The following RHOBTB3 variants were observed in gnomAD, a reference collection of about 807,000 sequenced individuals.
RHOBTB3 encodes the protein rho-related BTB domain-containing protein 3.
RHOBTB3 carries 47 observed loss-of-function variants against 67.2 expected under a neutral mutation model. The observed-to-expected ratio is 0.70, with a 90% CI of 0.55 to 0.89. The LOEUF (loss-of-function observed/expected upper bound fraction) is 0.89. Among genes scored for constraint, RHOBTB3 ranks in the 40% least tolerant of loss-of-function variants. RHOBTB3 has a pLI of 0.00. For synonymous variants in RHOBTB3, 273 were observed against 274.2 expected, an observed-to-expected ratio of 1.00 and a Z score of 0.04; for missense variants, 631 against 750.0, an observed-to-expected ratio of 0.84 and a Z score of 1.85.
Position 95,748,507 on chromosome 5 carries a change from A to G in RHOBTB3, c.570+20A>G, listed in dbSNP as rs1744997011. 1.8e-5 allele frequency: 28 copies of G among 1,581,194 alleles called. No homozygotes were observed. Among genetic ancestry groups the G allele is most frequent in the Non-Finnish European group, 2.3e-5 (27 of 1,159,308 alleles). The stretch of plus-strand genomic sequence containing the variant: ...GGAGTGGTAAGTGGAAATTCCTGTT[A>G]AGTATAAAGTTATTTGTCAGGTTGC... On this transcript the variant is annotated intron_variant, in intron 4 of 11. Coordinates refer to ENST00000379982, the MANE Select transcript of RHOBTB3 (RefSeq NM_014899.4).
At position 95,763,488 on chromosome 5, in the gene RHOBTB3, A is replaced by G. The variant is rs752020342; in HGVS notation, c.1049-20A>G. 2.9e-6 allele frequency: 4 copies of G among 1,387,802 alleles called. No individual in the cohort carries two copies. Among genetic ancestry groups the G allele is most frequent in the Admixed American group, 1.8e-5 (1 of 57,074 alleles). The allele number at this position is 1,387,802 out of a possible 1,614,324, so 86.0% of individuals were successfully genotyped here. On this transcript the variant is annotated intron_variant, in intron 6 of 11. Transcript: ENST00000379982. ...TCCTCATTTAACAGAAAAATCCAGC[A>G]TGTACTAATTTGTTTACAGGTGCTT...
At chr5:95,771,809 C>T (rs1251717940) in intron 8 of RHOBTB3, among the ~76,000 whole-genome samples, 1 of 152,182 alleles carries the variant, frequency 6.6e-6, no homozygotes, top group Non-Finnish European at 1.5e-5. Context: ...GTTTGGTACG[C>T]TCTATCCATA....
At chr5:95,754,936 G>A (rs1048478340) in intron 5 of RHOBTB3, among the ~76,000 whole-genome samples, 2 of 152,228 alleles carry the variant, frequency 1.3e-5, no homozygotes, top group Non-Finnish European at 2.9e-5. Flanking sequence ...CTTCAGATGT[G>A]AGATTGGGTT....
At chr5:95,791,682 C>T (rs537438590) in intron 11 of RHOBTB3, among the ~76,000 whole-genome samples, 5 of 152,066 alleles carry the variant, frequency 3.3e-5, no homozygotes, top group South Asian at 2.1e-4. Flanking sequence ...AGGCATGTGC[C>T]GCCACACCCA....
intron 8 of RHOBTB3, among the ~76,000 whole-genome samples, chr5:95,778,164 T>G (rs1274250964): frequency 6.6e-6 from 1 of 152,036 alleles, no homozygotes; most frequent in Non-Finnish European, 1.5e-5. Context: ...CATAGGAGAT[T>G]GGTTCCAAGG....
At chr5:95,741,700 G>C (rs1755605094) in intron 3 of RHOBTB3, among the ~76,000 whole-genome samples, 1 of 151,664 alleles carries the variant, frequency 6.6e-6, no homozygotes, top group Non-Finnish European at 1.5e-5. Flanking sequence ...CAGTGGGTTT[G>C]GGGGGAGGGA....
At chr5:95,726,808 G>C (rs1448765300), upstream of RHOBTB3, among the ~76,000 whole-genome samples, 1 of 152,182 alleles carries the variant, frequency 6.6e-6, no homozygotes, top group African/African-American at 2.4e-5. Context: ...TATATTGAAA[G>C]TGAACAAAGG....
At chr5:95,754,488 A>G (rs905270107) in intron 5 of RHOBTB3, among the ~76,000 whole-genome samples, 7 of 152,322 alleles carry the variant, frequency 4.6e-5, no homozygotes, top group Non-Finnish European at 8.8e-5. Context: ...TTGCTTTGGA[A>G]TCAAGCATTT....
intron 11 of RHOBTB3, among the ~76,000 whole-genome samples, chr5:95,792,354 T>A (rs1416211684): frequency 1.5e-5 from 2 of 135,258 alleles, no homozygotes; most frequent in African/African-American, 5.7e-5. Flanking sequence ...GCCACTGCGC[T>A]CCAGCCTGGG....
At position 95,794,480 on chromosome 5, in the gene RHOBTB3, G is replaced by A. The variant is rs192098830; in HGVS notation, c.*1306G>A. Reference sequence around the variant, plus strand: ...TCTAATATTACACAGTAAGTTCAAAGAAAGGATGTAAGTCAAAGACTTGTT... The same window carrying A: ...TCTAATATTACACAGTAAGTTCAAAAAAAGGATGTAAGTCAAAGACTTGTT... On this transcript the variant is annotated 3_prime_UTR_variant, in exon 12 of 12. Transcript: ENST00000379982. 2 of 158,130 alleles carry A rather than the reference G, an allele frequency of 1.3e-5. No homozygotes were observed. 9.8% of individuals were successfully genotyped at this position (158,130 alleles called of 1,614,324 possible).
intron 8 of RHOBTB3, among the ~76,000 whole-genome samples, chr5:95,778,082 G>A (rs943944508): frequency 4.0e-5 from 6 of 151,138 alleles, no homozygotes; most frequent in South Asian, 4.2e-4. Flanking sequence ...CTGTGCTACC[G>A]TACTCCAGCC....
upstream of RHOBTB3, among the ~76,000 whole-genome samples, chr5:95,726,756 T>C (rs1453947532): frequency 1.3e-5 from 2 of 152,194 alleles, no homozygotes; most frequent in Non-Finnish European, 2.9e-5. Context: ...TTAAATATCA[T>C]TCATAAGTCT....
chr5:95,752,159 A>G (rs1371239549), intron 4 of RHOBTB3, 80 bp from the exon 5 acceptor site: 5 of 817,622 alleles, frequency 6.1e-6, no homozygotes, highest in Non-Finnish European at 1.0e-5. Flanking sequence ...ATGTTTGACA[A>G]TTGTGACTTC....
chr5:95,767,819 A>G (rs1464199408), intron 7 of RHOBTB3: 1 of 704,038 alleles, frequency 1.4e-6, no homozygotes, highest in Non-Finnish European at 2.6e-6. Flanking sequence ...CACTTAGGCA[A>G]TTTGTTTACT....
chr5:95,784,840 T>G (rs1746171962), intron 10 of RHOBTB3, among the ~76,000 whole-genome samples: 1 of 152,198 alleles, frequency 6.6e-6, no homozygotes, highest in Non-Finnish European at 1.5e-5. Flanking sequence ...ATTCTGCCAT[T>G]CCATCCACTG....
Position 95,794,386 on chromosome 5 carries a change from G to A in RHOBTB3, c.*1212G>A. The A allele has an allele frequency of 6.0e-6, 1 of 167,282 alleles. No homozygotes were observed. The highest frequency in any genetic ancestry group is 1.6e-4 in the East Asian group (1 of 6,116). 10.4% of individuals were successfully genotyped at this position (167,282 alleles called of 1,614,324 possible). ...ATTTACCAAGATTAGGACGTCAGTG[G>A]CTTAAATTCTTTGAATTCTTTTCAA... On this transcript the variant is annotated 3_prime_UTR_variant, in exon 12 of 12. Transcript: ENST00000379982.
intron 3 of RHOBTB3, among the ~76,000 whole-genome samples, chr5:95,746,501 A>G (rs1355720011): frequency 2.0e-5 from 3 of 152,148 alleles, no homozygotes; most frequent in Admixed American, 2.0e-4. Context: ...CTGTATGAAA[A>G]CTTTATTTGC....
intron 5 of RHOBTB3, among the ~76,000 whole-genome samples, chr5:95,753,567 T>A (rs924023564): frequency 1.1e-4 from 16 of 152,200 alleles, no homozygotes; most frequent in Non-Finnish European, 2.1e-4. Flanking sequence ...AGTGCAGATA[T>A]ATAGACCACA....
rs781754788 is a variant in RHOBTB3, at chr5:95,795,981, A to G, written c.*2807A>G. 1.3e-5 allele frequency: 2 copies of G among 152,096 alleles called. No individual in the cohort carries two copies. Among genetic ancestry groups the G allele is most frequent in the Non-Finnish European group, 2.9e-5 (2 of 68,016 alleles). The allele number at this position is 152,096 out of a possible 1,614,324, so 9.4% of individuals were successfully genotyped here. A position where few individuals can be genotyped will look rare whatever the true frequency, so the allele number is the denominator to read the frequency against. On this transcript the variant is annotated 3_prime_UTR_variant, in exon 12 of 12. Transcript: ENST00000379982. ...CTATTTAACCCTTTGTATATTTCTG[A>G]CTGCTCACTGTTCATATTATAGGGG...
Sources: gnomAD v4.1 joint callset for allele counts (sites outside exome capture counted in the v4.1 genomes callset) on GRCh38, gnomAD v4.1.1 for gene constraint, MANE v1.5 for transcripts, NCBI Gene and HGNC (gene_info 2026-07-23, HGNC 2026-07-21) for gene names.